FBN2: variants seen among roughly 807,000 people sequenced by gnomAD.
The protein encoded by FBN2 is fibrillin-2.
FBN2 carries 105 observed loss-of-function variants against 355.6 expected under a neutral mutation model. The ratio of observed to expected loss-of-function variants is 0.30; its 90% CI spans 0.25 to 0.35. FBN2 has a LOEUF of 0.35. Ranked by LOEUF, FBN2 falls within the 10% of genes least tolerant of loss-of-function variation. The pLI is 1.00. For synonymous variants in FBN2, 1,350 were observed against 1,301.2 expected, an observed-to-expected ratio of 1.04 and a Z score of -0.81; for missense variants, 3,280 against 3,758.7, an observed-to-expected ratio of 0.87 and a Z score of 3.33.
intron 42 of FBN2, 31 bp downstream of exon 42, chr5:128,307,104 A>T: frequency 7.1e-7 from 1 of 1,409,714 alleles, no homozygotes; most frequent in Non-Finnish European, 1.0e-6. Flanking sequence ...ACACATATGT[A>T]TTAAAACAAA....
chr5:128,502,065 G>GA (rs1449064210), intron 5 of FBN2, among the ~76,000 whole-genome samples: 3 of 151,818 alleles, frequency 2.0e-5, no homozygotes, highest in Non-Finnish European at 4.4e-5. Context: ...GGGTATCCAG[G>GA]AAAAAACAGC....
chr5:128,336,132 A>C lies in FBN2; in HGVS notation c.3599-19T>G. ...TTAATATCTATAAAAGATACACAGA[A>C]GTAATGCTTTACACAATGTCCACTC... On this transcript the variant is annotated intron_variant, in intron 27 of 64. Coordinates refer to ENST00000262464, the MANE Select transcript of FBN2 (RefSeq NM_001999.4). The C allele has an allele frequency of 6.2e-7, 1 of 1,611,790 alleles. No homozygotes were observed. Among genetic ancestry groups the C allele is most frequent in the East Asian group, 2.2e-5 (1 of 44,874 alleles).
chr5:128,470,224 G>A (rs145589115), intron 5 of FBN2, among the ~76,000 whole-genome samples: 526 of 152,318 alleles, frequency 3.5e-3, no homozygotes, highest in Non-Finnish European at 5.5e-3. Flanking sequence ...CAACAGTACT[G>A]AATGCTGCTG....
chr5:128,322,785 T>C (rs1158983284), intron 34 of FBN2, among the ~76,000 whole-genome samples: 2 of 152,144 alleles, frequency 1.3e-5, no homozygotes, highest in Non-Finnish European at 2.9e-5. Context: ...TAATTTAAGG[T>C]AGTTTTTCCT....
At chr5:128,471,403 G>A (rs1488843820) in intron 5 of FBN2, among the ~76,000 whole-genome samples, 1 of 152,084 alleles carries the variant, frequency 6.6e-6, no homozygotes, top group Non-Finnish European at 1.5e-5. Flanking sequence ...TTGGATGTCT[G>A]CAGCTCCAGA....
chr5:128,419,984 C>T (rs1195929763), intron 7 of FBN2, among the ~76,000 whole-genome samples: 1 of 152,122 alleles, frequency 6.6e-6, no homozygotes, highest in African/African-American at 2.4e-5. Context: ...CGTGAGCCAC[C>T]GCACCCGGCT....
intron 39 of FBN2, 74 bp from the exon 40 acceptor site, chr5:128,310,182 A>G (rs1749995081): frequency 1.6e-6 from 2 of 1,290,266 alleles, no homozygotes; most frequent in East Asian, 2.5e-5. Flanking sequence ...AGATGACTGA[A>G]CAAAGCATAG....
chr5:128,503,814 C>T lies in FBN2; in HGVS notation c.628+15459G>A, dbSNP rs372451860. On this transcript the variant is annotated intron_variant, in intron 5 of 64. Transcript: ENST00000262464. Reference sequence around the variant, plus strand: ...AGAAATTTGCCCAAGTAATGAGGAACCAAATGTTAATCCCCAAGACAATGG... The same window carrying T: ...AGAAATTTGCCCAAGTAATGAGGAATCAAATGTTAATCCCCAAGACAATGG... 3.3e-5 allele frequency among the ~76,000 whole-genome samples: 5 copies of T among 152,236 alleles called. No individual in the cohort carries two copies. The South Asian group carries it at 8.3e-4, about 25-fold the overall frequency.
chr5:128,427,165 G>A (rs986809512), intron 7 of FBN2, among the ~76,000 whole-genome samples: 17 of 151,948 alleles, frequency 1.1e-4, no homozygotes, highest in African/African-American at 3.9e-4. Context: ...CCCTCGTAGG[G>A]GCCTGAGCTT....
intron 16 of FBN2, among the ~76,000 whole-genome samples, chr5:128,368,455 C>CACATATATATACATATATAT (rs148416062): frequency 9.8e-5 from 13 of 132,012 alleles, no homozygotes; most frequent in South Asian, 2.4e-4. Flanking sequence ...CATATATATA[C>CACATATATATACATATATAT]ACATATATAT....
At chr5:128,492,049 G>A (rs1755520615) in intron 5 of FBN2, among the ~76,000 whole-genome samples, 1 of 152,084 alleles carries the variant, frequency 6.6e-6, no homozygotes, top group African/African-American at 2.4e-5. Context: ...ACCTAAATGA[G>A]GGTTAAGTTT....
At chr5:128,290,296 G>C (rs536257246) in intron 50 of FBN2, among the ~76,000 whole-genome samples, 78 of 152,272 alleles carry the variant, frequency 5.1e-4, no homozygotes, top group Admixed American at 4.9e-3. Flanking sequence ...GTGCCAATGA[G>C]ACCTGAGGCT....
intron 42 of FBN2, 133 bp from the exon 43 acceptor site, chr5:128,306,081 T>A: frequency 1.2e-6 from 1 of 840,776 alleles, no homozygotes; most frequent in Non-Finnish European, 1.9e-6. Context: ...TATATACTAG[T>A]ATAGCTAATT....
At chr5:128,288,271 C>T (rs748736983) in intron 53 of FBN2, among the ~76,000 whole-genome samples, 167 bp downstream of exon 53, 1 of 152,050 alleles carries the variant, frequency 6.6e-6, no homozygotes, top group Non-Finnish European at 1.5e-5. Flanking sequence ...TTTAACTGTA[C>T]TAAAGGAAAA....
chr5:128,337,545 G>A (rs10062686), intron 27 of FBN2, among the ~76,000 whole-genome samples: 11,965 of 152,262 alleles, frequency 0.079, 619 homozygotes, highest in Non-Finnish European at 0.12. Flanking sequence ...GGGCAAATGA[G>A]GAAACCCAGT....
intron 42 of FBN2, among the ~76,000 whole-genome samples, chr5:128,306,627 A>G (rs114452724): frequency 0.081 from 12,373 of 152,160 alleles, 707 homozygotes; most frequent in Admixed American, 0.18. Flanking sequence ...CATCTCAAAA[A>G]AAAAAATTAT....
chr5:128,374,048 T>C (rs1345988202), intron 15 of FBN2, among the ~76,000 whole-genome samples: 1 of 152,136 alleles, frequency 6.6e-6, no homozygotes, highest in Non-Finnish European at 1.5e-5. Flanking sequence ...TTATTAATTA[T>C]AAAACTGAAA....
At chr5:128,483,324 T>A (rs1755246538) in intron 5 of FBN2, among the ~76,000 whole-genome samples, 1 of 152,032 alleles carries the variant, frequency 6.6e-6, no homozygotes, top group Admixed American at 6.6e-5. Context: ...GTTGAAATTA[T>A]AAAAATAAAT....
Position 128,366,448 on chromosome 5 carries a change from A to G in FBN2, c.2249-18T>C, listed in dbSNP as rs996601598. 3 of 1,575,378 alleles carry G rather than the reference A, an allele frequency of 1.9e-6. No homozygotes were observed. Among genetic ancestry groups the G allele is most frequent in the Non-Finnish European group, 2.6e-6 (3 of 1,147,638 alleles). ...GAATTCAGCTGTATGACAAAAAGAA[A>G]TAGAAGAATTAAAAACTTAACTATA... On this transcript the variant is annotated intron_variant, in intron 16 of 64. Transcript: ENST00000262464.
Sources: allele counts gnomAD v4.1 joint callset (sites outside exome capture counted in the v4.1 genomes callset), GRCh38; gene constraint gnomAD v4.1.1; transcripts MANE v1.5; gene names NCBI Gene and HGNC (gene_info 2026-07-23, HGNC 2026-07-21).